Variants in FSTL4 observed in about 807,000 individuals in gnomAD.
FSTL4 encodes follistatin-related protein 4.
Under a neutral mutation model 78.2 loss-of-function variants are expected in FSTL4, and 28 were observed. The ratio of observed to expected loss-of-function variants is 0.36; its 90% CI spans 0.27 to 0.49. The LOEUF is 0.49. FSTL4 is among the 20% of genes least tolerant of loss of function. FSTL4 has a pLI of 0.98. For missense variants in FSTL4, 922 were observed against 1,084.9 expected (o/e 0.85, Z 2.11); for synonymous variants, 422 against 440.5 (o/e 0.96, Z 0.53).
intron 3 of FSTL4, among the ~76,000 whole-genome samples, chr5:133,432,139 A>G (rs1487413449): frequency 6.6e-6 from 1 of 152,172 alleles, no homozygotes; most frequent in East Asian, 1.9e-4. Flanking sequence ...AAGCAGGGCA[A>G]GACTGGTTTC....
chr5:133,317,215 T>C (rs182383062), intron 4 of FSTL4, among the ~76,000 whole-genome samples: 179 of 152,316 alleles, frequency 1.2e-3, no homozygotes, highest in African/African-American at 3.8e-3. Context: ...AAAAGAAGCT[T>C]TACAACGTTA....
chr5:133,407,520 A>G (rs1756389698), intron 3 of FSTL4, among the ~76,000 whole-genome samples: 2 of 152,206 alleles, frequency 1.3e-5, no homozygotes, highest in African/African-American at 4.8e-5. Flanking sequence ...ATGGTTATCC[A>G]TTGCTGGAAG....
intron 7 of FSTL4, among the ~76,000 whole-genome samples, chr5:133,240,303 A>ATTT (rs1385057961): frequency 6.6e-6 from 1 of 152,212 alleles, no homozygotes; most frequent in Non-Finnish European, 1.5e-5. Flanking sequence ...CGGACATAAT[A>ATTT]GACGGACTTG....
At chr5:133,457,939 G>C (rs190368744) in intron 3 of FSTL4, 1 of 152,168 alleles carries the variant, frequency 6.6e-6, no homozygotes, top group Non-Finnish European at 1.5e-5. Context: ...GACCGAGTCC[G>C]GGAGGAAGGG....
chr5:133,785,485 G>A, the FSTL4 span, among the ~76,000 whole-genome samples: 1 of 152,176 alleles, frequency 6.6e-6, no homozygotes, highest in Non-Finnish European at 1.5e-5. Context: ...TACTCTTCAA[G>A]GATGGAGACA....
chr5:133,632,108 G>A, the FSTL4 span, among the ~76,000 whole-genome samples: 1 of 152,084 alleles, frequency 6.6e-6, no homozygotes, highest in Non-Finnish European at 1.5e-5. Context: ...TAACAAACCT[G>A]TACGTTCTGC....
At chr5:133,498,687 C>T (rs1580747742) in intron 3 of FSTL4, among the ~76,000 whole-genome samples, 1 of 150,420 alleles carries the variant, frequency 6.6e-6, no homozygotes, top group African/African-American at 2.5e-5. Context: ...CACCACACTC[C>T]AGCCTAGGTG....
At chr5:133,253,760 T>C (rs1752318391) in intron 6 of FSTL4, among the ~76,000 whole-genome samples, 1 of 152,330 alleles carries the variant, frequency 6.6e-6, no homozygotes, top group African/African-American at 2.4e-5. Context: ...ATCTCAGCCC[T>C]GCTCAACAGC....
At chr5:133,715,849 G>A in the FSTL4 span, among the ~76,000 whole-genome samples, 1 of 152,200 alleles carries the variant, frequency 6.6e-6, no homozygotes, top group Non-Finnish European at 1.5e-5. Context: ...GGGCTGCTTT[G>A]CTTTCCCCAC....
At chr5:133,591,470 C>T (rs1760624331) in intron 2 of FSTL4, among the ~76,000 whole-genome samples, 1 of 152,146 alleles carries the variant, frequency 6.6e-6, no homozygotes, top group South Asian at 2.1e-4. Context: ...TGCAGCCTCA[C>T]CAACTGTCCT....
the FSTL4 span, among the ~76,000 whole-genome samples, chr5:133,839,771 G>T: frequency 6.6e-6 from 1 of 152,192 alleles, no homozygotes; most frequent in Non-Finnish European, 1.5e-5. Flanking sequence ...AAGCAAAGAT[G>T]GGCCATGTAC....
intron 4 of FSTL4, among the ~76,000 whole-genome samples, chr5:133,345,098 A>G (rs1754669695): frequency 6.6e-6 from 1 of 151,698 alleles, no homozygotes; most frequent in Non-Finnish European, 1.5e-5. Context: ...CCTCCCAAGT[A>G]GCTGGTACTA....
upstream of FSTL4, among the ~76,000 whole-genome samples, chr5:133,613,790 A>G (rs550448703): frequency 6.6e-6 from 1 of 152,334 alleles, no homozygotes; most frequent in East Asian, 1.9e-4. Context: ...GGGGTTGGAC[A>G]AAACCTGGTT....
chr5:133,713,077 A>G, the FSTL4 span, among the ~76,000 whole-genome samples: 1 of 152,240 alleles, frequency 6.6e-6, no homozygotes, highest in Non-Finnish European at 1.5e-5. Context: ...ATCCTAGGAT[A>G]ACAGGTACCA....
At chr5:133,261,747 T>C (rs1752527785) in intron 6 of FSTL4, among the ~76,000 whole-genome samples, 1 of 152,122 alleles carries the variant, frequency 6.6e-6, no homozygotes, top group Admixed American at 6.5e-5. Context: ...TCCTAGCACT[T>C]TGGGAGGCTG....
chr5:133,519,071 C>T (rs1758922071), intron 3 of FSTL4, among the ~76,000 whole-genome samples: 1 of 152,168 alleles, frequency 6.6e-6, no homozygotes, highest in South Asian at 2.1e-4. Context: ...TAAAACCAAG[C>T]TCTCTGTTTT....
upstream of FSTL4, among the ~76,000 whole-genome samples, chr5:133,615,032 C>T (rs1454577616): frequency 6.6e-6 from 1 of 152,186 alleles, no homozygotes; most frequent in African/African-American, 2.4e-5. Flanking sequence ...TGATGTGTGT[C>T]TCTTAGGACA....
At chr5:133,257,560 G>A (rs527908011) in intron 6 of FSTL4, among the ~76,000 whole-genome samples, 18 of 152,304 alleles carry the variant, frequency 1.2e-4, no homozygotes, top group African/African-American at 4.3e-4. Context: ...GTGTGCAGAC[G>A]AACAGGAAGT....
At chr5:133,242,693 C>G (rs17166431) in intron 7 of FSTL4, among the ~76,000 whole-genome samples, 83 of 152,100 alleles carry the variant, frequency 5.5e-4, no homozygotes, top group Non-Finnish European at 9.7e-4. Flanking sequence ...TCTCTGGACA[C>G]TACTCCCAAT....
Sources: gnomAD v4.1 joint callset for allele counts (sites outside exome capture counted in the v4.1 genomes callset) on GRCh38, gnomAD v4.1.1 for gene constraint, MANE v1.5 for transcripts, NCBI Gene and HGNC (gene_info 2026-07-23, HGNC 2026-07-21) for gene names.